The following CACNA2D3 variants were observed in gnomAD, a reference collection of about 807,000 sequenced individuals.
CACNA2D3 encodes the protein voltage-dependent calcium channel subunit alpha-2/delta-3.
Under a neutral mutation model 160.6 loss-of-function variants are expected in CACNA2D3, and 60 were observed. The ratio of observed to expected loss-of-function variants is 0.37; its 90% CI spans 0.30 to 0.46. The LOEUF is 0.46. Among genes scored for constraint, CACNA2D3 ranks in the 20% least tolerant of loss-of-function variants. The pLI is 1.00. For synonymous variants in CACNA2D3, 558 were observed against 492.9 expected (o/e 1.13, Z -1.75); for missense variants, 1,205 against 1,365.0 (o/e 0.88, Z 1.85).
chr3:54,315,141 G>A (rs1408735622), intron 2 of CACNA2D3, among the ~76,000 whole-genome samples: 1 of 152,180 alleles, frequency 6.6e-6, no homozygotes, highest in Non-Finnish European at 1.5e-5. Context: ...TGGTACTTTA[G>A]GGAACAGAAG....
chr3:54,756,884 C>T (rs1701981350), intron 12 of CACNA2D3, among the ~76,000 whole-genome samples: 1 of 152,124 alleles, frequency 6.6e-6, no homozygotes, highest in Admixed American at 6.5e-5. Context: ...TCCAGGGAGG[C>T]CTGGAGCTTG....
chr3:54,312,266 G>A lies in CACNA2D3; in HGVS notation c.205-8176G>A, dbSNP rs146183480. On this transcript the variant is annotated intron_variant, in intron 2 of 37. Coordinates refer to ENST00000474759, the MANE Select transcript of CACNA2D3 (RefSeq NM_018398.3). ...AATCCTCATGCAGTGATTTAATTAT[G>A]TCGACTCTAGAGGTGTAATTTCAGT... Among the ~76,000 whole-genome samples the A allele has an allele frequency of 3.7e-3, 556 of 152,274 alleles. 5 individuals carry two copies. The highest frequency in any genetic ancestry group is 0.011 in the African/African-American group (445 of 41,544).
chr3:54,639,943 T>C (rs1699476024), intron 10 of CACNA2D3: 1 of 151,840 alleles, frequency 6.6e-6, no homozygotes. Flanking sequence ...CTCTGGCGGG[T>C]AGGAGCGGGG....
At chr3:54,358,455 T>G (rs1416357170) in intron 3 of CACNA2D3, among the ~76,000 whole-genome samples, 1 of 152,218 alleles carries the variant, frequency 6.6e-6, no homozygotes, top group Non-Finnish European at 1.5e-5. Context: ...AGTGAGTCAC[T>G]TTGGCAGGCC....
chr3:54,282,192 G>T (rs1223076508), intron 2 of CACNA2D3, among the ~76,000 whole-genome samples: 2 of 152,334 alleles, frequency 1.3e-5, no homozygotes, highest in Middle Eastern at 3.4e-3. Flanking sequence ...AGGGGGTTTT[G>T]CAGGGTAGGT....
intron 29 of CACNA2D3, among the ~76,000 whole-genome samples, chr3:54,971,192 T>A (rs946128047): frequency 3.3e-5 from 5 of 152,104 alleles, no homozygotes; most frequent in Admixed American, 3.3e-4. Flanking sequence ...TAATTTCCCC[T>A]TAGGAAAGAA....
In CACNA2D3 at chr3:54,334,576, G is replaced by A. The variant is rs141477394; in HGVS notation, c.321+14018G>A. On this transcript the variant is annotated intron_variant, in intron 3 of 37. Transcript: ENST00000474759. The stretch of plus-strand genomic sequence containing the variant: ...CAGTTTTCTTGTCTGTGAAATGGAC[G>A]TGTTCTCATGTGGCAGGGATTGTGA... Among the ~76,000 whole-genome samples the A allele has an allele frequency of 1.5e-4, 23 of 152,294 alleles. No individual in the cohort carries two copies. The East Asian group carries it at 3.7e-3, about 24-fold the overall frequency.
intron 8 of CACNA2D3, among the ~76,000 whole-genome samples, chr3:54,572,276 G>T (rs1702512674): frequency 6.6e-6 from 1 of 152,322 alleles, no homozygotes; most frequent in East Asian, 1.9e-4. Context: ...TTCCTTGGGA[G>T]CAGGGGTTAG....
At chr3:54,925,267 A>G (rs1051646706) in intron 27 of CACNA2D3, 3 of 1,457,476 alleles carry the variant, frequency 2.1e-6, no homozygotes, top group Non-Finnish European at 2.8e-6. Context: ...GAGGTGTGGT[A>G]TCAGCACTTT....
At position 54,278,546 on chromosome 3, in the gene CACNA2D3, G is replaced by A. The variant is rs145233393; in HGVS notation, c.205-41896G>A. ...AAAGATGTGCACACGTATGTTTATT[G>A]CAGCACTATTCACAATAGCAAAGAC... is the stretch of plus-strand genomic sequence containing the variant. On this transcript the variant is annotated intron_variant, in intron 2 of 37. Coordinates refer to ENST00000474759, the MANE Select transcript of CACNA2D3 (RefSeq NM_018398.3). Among the ~76,000 whole-genome samples the A allele has an allele frequency of 1.7e-4, 26 of 152,278 alleles. 1 individual carries two copies. The highest frequency in any genetic ancestry group is 5.5e-4 in the African/African-American group (23 of 41,550).
intron 11 of CACNA2D3, among the ~76,000 whole-genome samples, chr3:54,712,378 A>G (rs1301618883): frequency 6.6e-6 from 1 of 152,130 alleles, no homozygotes; most frequent in East Asian, 1.9e-4. Flanking sequence ...CCCATCTTGA[A>G]TTGTAACTCC....
chr3:54,247,235 T>C (rs66808006), intron 2 of CACNA2D3, among the ~76,000 whole-genome samples: 61,476 of 151,854 alleles, frequency 0.4, 12,539 homozygotes, highest in Middle Eastern at 0.42. Context: ...GCTTGAACCC[T>C]GGAGGTAGGT....
chr3:54,554,659 G>A lies in CACNA2D3; in HGVS notation c.545-8141G>A, dbSNP rs1431126590. Among the ~76,000 whole-genome samples, 5 of 152,174 alleles carry A rather than the reference G, an allele frequency of 3.3e-5. No individual in the cohort carries two copies. In the East Asian group the frequency reaches 9.7e-4, roughly 30 times the overall value. On this transcript the variant is annotated intron_variant, in intron 5 of 37. Transcript: ENST00000474759. ...TCTGGCTTCTACAGATGAAGGCACT[G>A]GGGCTGAGGAACATTAAGTCCAGGT...
At chr3:54,191,973 G>A (rs4077974) in intron 2 of CACNA2D3, among the ~76,000 whole-genome samples, 17,692 of 152,180 alleles carry the variant, frequency 0.12, 1,126 homozygotes, top group Admixed American at 0.16. Flanking sequence ...TTGGCATTGA[G>A]GCGGTTTGTT....
intron 26 of CACNA2D3, among the ~76,000 whole-genome samples, chr3:54,899,278 C>A (rs921162408): frequency 2.6e-5 from 4 of 152,160 alleles, no homozygotes; most frequent in Non-Finnish European, 5.9e-5. Context: ...CTAGCTCTAT[C>A]CCTGTTTAGA....
chr3:55,068,436 C>T (rs562761781), intron 35 of CACNA2D3, among the ~76,000 whole-genome samples: 32 of 152,312 alleles, frequency 2.1e-4, no homozygotes, highest in African/African-American at 6.0e-4. Context: ...AACTTGCATA[C>T]GCTCTACTTA....
At chr3:54,834,091 A>T (rs1270856414) in intron 14 of CACNA2D3, among the ~76,000 whole-genome samples, 2 of 152,218 alleles carry the variant, frequency 1.3e-5, no homozygotes, top group African/African-American at 4.8e-5. Flanking sequence ...TTAGCTCCTG[A>T]GTGAAGTTGA....
chr3:54,605,719 A>G (rs1368998670), intron 9 of CACNA2D3, among the ~76,000 whole-genome samples: 1 of 152,180 alleles, frequency 6.6e-6, no homozygotes, highest in Non-Finnish European at 1.5e-5. Flanking sequence ...CAGTATGTAG[A>G]TCCCAGAAAA....
intron 5 of CACNA2D3, among the ~76,000 whole-genome samples, chr3:54,525,069 TGTA>T (rs1357226779): frequency 2.0e-5 from 3 of 152,262 alleles, no homozygotes; most frequent in East Asian, 3.9e-4. Context: ...TAAAGAAAGA[TGTA>T]GTACGTCATA....
Sources: allele counts gnomAD v4.1 joint callset (sites outside exome capture counted in the v4.1 genomes callset), GRCh38; gene constraint gnomAD v4.1.1; transcripts MANE v1.5; gene names NCBI Gene and HGNC (gene_info 2026-07-23, HGNC 2026-07-21).